Variants in PHACTR2 observed in about 807,000 individuals in gnomAD.
PHACTR2 encodes the protein phosphatase and actin regulator 2, also known as chromosome 6 open reading frame 56.
A neutral mutation model predicts 76.0 loss-of-function variants in PHACTR2; 30 were observed. That is an observed-to-expected ratio of 0.39 (90% CI 0.30 to 0.54). The LOEUF (loss-of-function observed/expected upper bound fraction) is 0.54. PHACTR2 is among the 20% of genes least tolerant of loss of function. PHACTR2 has a pLI of 0.61. For missense variants in PHACTR2, 696 were observed against 781.1 expected (o/e 0.89, Z 1.30); for synonymous variants, 292 against 292.5 (o/e 1.00, Z 0.02).
chr6:143,575,390 G>A (rs559578471), intron 1 of PHACTR2, among the ~76,000 whole-genome samples: 2 of 152,328 alleles, frequency 1.3e-5, no homozygotes, highest in African/African-American at 4.8e-5. Context: ...ACCTGGAAAT[G>A]TTATAATGTG....
At chr6:143,603,608 T>C (rs568645564), upstream of PHACTR2, among the ~76,000 whole-genome samples, 38 of 152,306 alleles carry the variant, frequency 2.5e-4, no homozygotes, top group African/African-American at 8.2e-4. Flanking sequence ...TAGTAGAACA[T>C]TGGATAAATG....
chr6:143,622,307 A>C (rs972950216), intron 1 of PHACTR2, among the ~76,000 whole-genome samples: 1 of 152,130 alleles, frequency 6.6e-6, no homozygotes, highest in Non-Finnish European at 1.5e-5. Flanking sequence ...ACCTCTGGTC[A>C]TGTAGTCCTA....
chr6:143,687,074 C>A lies in PHACTR2; in HGVS notation c.46+8865C>A, dbSNP rs151172385. Among the ~76,000 whole-genome samples the A allele has an allele frequency of 2.6e-5, 4 of 151,926 alleles. No homozygotes were observed. The South Asian group carries it at 8.3e-4, about 32-fold the overall frequency. On this transcript the variant is annotated intron_variant, in intron 1 of 12. Coordinates refer to ENST00000440869, the MANE Select transcript of PHACTR2 (RefSeq NM_001100164.2). ...GGTTTAATTGTTTTTTTAGTCTGTTCGATAATAATGTGAATGTCTCTTACT... is the reference window on the plus strand; with the variant it reads ...GGTTTAATTGTTTTTTTAGTCTGTTAGATAATAATGTGAATGTCTCTTACT...
intron 9 of PHACTR2, among the ~76,000 whole-genome samples, chr6:143,781,569 A>G (rs1052810107): frequency 1.1e-4 from 16 of 152,236 alleles, no homozygotes; most frequent in African/African-American, 3.6e-4. Flanking sequence ...ATCACTTTTT[A>G]TCAACAATAT....
At position 143,621,496 on chromosome 6, in the gene PHACTR2, T is replaced by C. The variant is rs1395420700; in HGVS notation, c.13+13174T>C. Among the ~76,000 whole-genome samples, 1 of 152,212 alleles carries C rather than the reference T, an allele frequency of 6.6e-6. No individual in the cohort carries two copies. Among genetic ancestry groups the C allele is most frequent in the African/African-American group, 2.4e-5 (1 of 41,452 alleles). On this transcript the variant is annotated intron_variant, in intron 1 of 11. Transcript: ENST00000305766. The surrounding 1 kb of genome is among the most constrained non-coding windows in gnomAD (Gnocchi z 4.1). ...CCAACGCTTTATTTTAATTGGTATT[T>C]TGCATGAGAATCATTAAATTGCAAC...
chr6:143,818,617 G>T lies in PHACTR2; in HGVS notation c.1923-5057G>T, dbSNP rs1776350886. Among the ~76,000 whole-genome samples the T allele has an allele frequency of 6.6e-6, 1 of 152,172 alleles. No individual in the cohort carries two copies. The highest frequency in any genetic ancestry group is 2.4e-5 in the African/African-American group (1 of 41,444). On this transcript the variant is annotated intron_variant, in intron 12 of 12. Transcript: ENST00000440869. This position sits in a 1 kb window ranked among gnomAD's most constrained non-coding sequence, Gnocchi z 4.9. ...TTTAATTGACTCACAGTTCCATGTG[G>T]CTGGGGAGGTCTCAGGAAACCTGCA...
At position 143,700,447 on chromosome 6, in the gene PHACTR2, C is replaced by T. The variant is rs558738318; in HGVS notation, c.47-11569C>T. On this transcript the variant is annotated intron_variant, in intron 1 of 12. Coordinates refer to ENST00000440869, the MANE Select transcript of PHACTR2 (RefSeq NM_001100164.2). The surrounding 1 kb of genome is among the most constrained non-coding windows in gnomAD (Gnocchi z 4.1). ...GCATGCACCTGTAATCCCAGCTACT[C>T]GGGAGGCTGAGGCAAGAGAATCACT... 2.0e-5 allele frequency among the ~76,000 whole-genome samples: 3 copies of T among 152,074 alleles called. No homozygotes were observed. Among genetic ancestry groups the T allele is most frequent in the African/African-American group, 7.2e-5 (3 of 41,502 alleles).
In PHACTR2 at chr6:143,699,564, C is replaced by T. The variant is rs534139729; in HGVS notation, c.47-12452C>T. On this transcript the variant is annotated intron_variant, in intron 1 of 12. Coordinates refer to ENST00000440869, the MANE Select transcript of PHACTR2 (RefSeq NM_001100164.2). The stretch of plus-strand genomic sequence containing the variant: ...CAACTCCAGCTTCTTGCTAGAGTGC[C>T]AGTAATGCATTTCTGACTGTCCGTT... Among the ~76,000 whole-genome samples, 65 of 152,258 alleles carry T rather than the reference C, an allele frequency of 4.3e-4. 1 individual carries two copies. The South Asian group carries it at 0.013, about 32-fold the overall frequency.
In PHACTR2 at chr6:143,774,061, G is replaced by T. The variant is rs372142012; in HGVS notation, c.1435G>T (p.Ala479Ser). The T allele has an allele frequency of 1.4e-5, 22 of 1,613,236 alleles. No homozygotes were observed. The African/African-American group carries it at 1.5e-4, about 11-fold the overall frequency. Residue 479 changes from alanine to serine, a missense_variant and splice_region_variant, in exon 8 of 13, where the codon GCT (alanine) becomes TCT (serine). Ala to Ser is a moderately conservative substitution (Grantham distance 99, BLOSUM62 1). Transcript: ENST00000440869. The surrounding 1 kb of genome is among the most constrained non-coding windows in gnomAD (Gnocchi z 5.4). Reference protein sequence around the residue: ...DEDEDGSGESALASKIRRRDT... With the variant: ...DEDEDGSGESSLASKIRRRDT... ...TTCTGCTCTTTTTCAATCCTCAGGT[G>T]CTTTGGCAAGTAAAATACGCCGGAG... is the stretch of plus-strand genomic sequence containing the variant.
chr6:143,798,550 C>CTT (rs1379067147), intron 11 of PHACTR2, among the ~76,000 whole-genome samples: 1 of 152,092 alleles, frequency 6.6e-6, no homozygotes. Flanking sequence ...ATAAACAGCT[C>CTT]TTATTATTTT....
At chr6:143,737,860 C>T (rs1343962357) in intron 2 of PHACTR2, among the ~76,000 whole-genome samples, 1 of 152,206 alleles carries the variant, frequency 6.6e-6, no homozygotes, top group East Asian at 1.9e-4. Flanking sequence ...TTTACAAATA[C>T]TGTGCTCTCT....
chr6:143,813,859 G>T (rs1776239366), intron 12 of PHACTR2, among the ~76,000 whole-genome samples: 1 of 152,088 alleles, frequency 6.6e-6, no homozygotes, highest in Non-Finnish European at 1.5e-5. Flanking sequence ...AACAACCTGG[G>T]TGTTAGGGGC....
Position 143,683,452 on chromosome 6 carries a change from C to T in PHACTR2, c.46+5243C>T, listed in dbSNP as rs552071721. The stretch of plus-strand genomic sequence containing the variant: ...TTTCTTCTAGTTTTTTCCAACCCCA[C>T]CCCATTTTCACGGTGCCACAGATCA... On this transcript the variant is annotated intron_variant, in intron 1 of 12. Coordinates refer to ENST00000440869, the MANE Select transcript of PHACTR2 (RefSeq NM_001100164.2). This position sits in a 1 kb window ranked among gnomAD's most constrained non-coding sequence, Gnocchi z 4.1. 3.9e-5 allele frequency among the ~76,000 whole-genome samples: 6 copies of T among 152,280 alleles called. No individual in the cohort carries two copies. In the East Asian group the frequency reaches 1.2e-3, roughly 29 times the overall value.
Position 143,681,037 on chromosome 6 carries a change from G to T in PHACTR2, c.46+2828G>T, listed in dbSNP as rs186967493. On this transcript the variant is annotated intron_variant, in intron 1 of 12. Coordinates refer to ENST00000440869, the MANE Select transcript of PHACTR2 (RefSeq NM_001100164.2). ...TGGACATTTGGGTTATTTCTGCTTT[G>T]GGCTATTTATGAATAATGCTGCTCT... 3.9e-4 allele frequency among the ~76,000 whole-genome samples: 60 copies of T among 152,070 alleles called. No individual in the cohort carries two copies. In the East Asian group the frequency reaches 0.011, roughly 27 times the overall value.
chr6:143,611,920 A>C lies in PHACTR2; in HGVS notation c.13+3598A>C, dbSNP rs1419441012. On this transcript the variant is annotated intron_variant, in intron 1 of 11. Coordinates refer to the PHACTR2 transcript ENST00000305766. The surrounding 1 kb of genome is among the most constrained non-coding windows in gnomAD (Gnocchi z 4.4). ...GACGAGTGGATATGGAGGCAGGGAG[A>C]ACTGCAGCAGTCAAAGGAGACCCTG... Among the ~76,000 whole-genome samples the C allele has an allele frequency of 6.6e-6, 1 of 152,166 alleles. No individual in the cohort carries two copies. The highest frequency in any genetic ancestry group is 1.5e-5 in the Non-Finnish European group (1 of 68,032).
rs536429198 is a variant in PHACTR2, at chr6:143,656,044, G to A, written c.13+47722G>A. Among the ~76,000 whole-genome samples the A allele has an allele frequency of 1.1e-4, 16 of 152,224 alleles. No individual in the cohort carries two copies. Among genetic ancestry groups the A allele is most frequent in the South Asian group, 4.1e-4 (2 of 4,820 alleles). On this transcript the variant is annotated intron_variant, in intron 1 of 11. Transcript: ENST00000305766. This position sits in a 1 kb window ranked among gnomAD's most constrained non-coding sequence, Gnocchi z 5.3. Reference sequence around the variant, plus strand: ...AGTTTCTTATCCTAAGGTGATTACCGGGGGAAATATTTAAAAGAAGCATCA... The same window carrying A: ...AGTTTCTTATCCTAAGGTGATTACCAGGGGAAATATTTAAAAGAAGCATCA...
intron 6 of PHACTR2, among the ~76,000 whole-genome samples, chr6:143,769,045 T>C (rs1161050959): frequency 6.6e-6 from 1 of 152,212 alleles, no homozygotes; most frequent in Admixed American, 6.5e-5. Flanking sequence ...CTGAGTTATG[T>C]TTCATCAACT....
At position 143,764,493 on chromosome 6, in the gene PHACTR2, C is replaced by T. The variant is rs1054517784; in HGVS notation, c.695-768C>T. 1.2e-4 allele frequency among the ~76,000 whole-genome samples: 18 copies of T among 151,256 alleles called. No individual in the cohort carries two copies. The highest frequency in any genetic ancestry group is 6.6e-5 in the Admixed American group (1 of 15,204). On this transcript the variant is annotated intron_variant, in intron 5 of 12. Transcript: ENST00000440869. The surrounding 1 kb of genome is among the most constrained non-coding windows in gnomAD (Gnocchi z 4.7). ...CCGATATTGCACCACTGCATTCCAG[C>T]CTGGGCGACAGAACAAGACCTTGTC...
chr6:143,741,102 G>T (rs1178929296), intron 2 of PHACTR2, among the ~76,000 whole-genome samples: 1 of 149,756 alleles, frequency 6.7e-6, no homozygotes, highest in Non-Finnish European at 1.5e-5. Flanking sequence ...GCAAAAATTA[G>T]CCGGGCATGG....
Sources: gnomAD v4.1 joint callset for allele counts (sites outside exome capture counted in the v4.1 genomes callset) on GRCh38, gnomAD v4.1.1 for gene constraint, Gnocchi (gnomAD v3.1) non-coding constraint, MANE v1.5 for transcripts, NCBI Gene and HGNC (gene_info 2026-07-23, HGNC 2026-07-21) for gene names.